Variants in PDE4D observed in about 807,000 individuals in gnomAD.
The protein encoded by PDE4D is phosphodiesterase 4D.
A neutral mutation model predicts 87.4 loss-of-function variants in PDE4D; 24 were observed. The observed-to-expected ratio is 0.27, with a 90% CI of 0.20 to 0.39. PDE4D has a LOEUF of 0.39. PDE4D is among the 10% of genes least tolerant of loss of function. PDE4D has a pLI of 1.00. For missense variants in PDE4D, 714 were observed against 1,041.0 expected, an observed-to-expected ratio of 0.69 and a Z score of 4.32; for synonymous variants, 384 against 383.2, an observed-to-expected ratio of 1.00 and a Z score of -0.02.
intron 1 of PDE4D, among the ~76,000 whole-genome samples, chr5:60,435,797 C>A (rs947774889): frequency 1.9e-4 from 29 of 151,994 alleles, no homozygotes; most frequent in African/African-American, 7.0e-4. Flanking sequence ...TGGGAAATAC[C>A]TCTTTCTATT....
intron 2 of PDE4D, among the ~76,000 whole-genome samples, chr5:59,209,391 G>A (rs1301589438): frequency 1.3e-5 from 2 of 152,048 alleles, no homozygotes; most frequent in African/African-American, 4.8e-5. Flanking sequence ...TCACCATGTT[G>A]CCCAAGTTGG....
At chr5:59,160,410 T>G (rs1487649884) in intron 5 of PDE4D, among the ~76,000 whole-genome samples, 6 of 152,160 alleles carry the variant, frequency 3.9e-5, no homozygotes. Flanking sequence ...CTTTATTACA[T>G]CTTATGCTTG....
chr5:60,318,705 G>C (rs1755890189), intron 1 of PDE4D, among the ~76,000 whole-genome samples: 1 of 152,006 alleles, frequency 6.6e-6, no homozygotes, highest in African/African-American at 2.4e-5. Context: ...CTCAGCATTT[G>C]CTTGTCTGTA....
intron 2 of PDE4D, among the ~76,000 whole-genome samples, chr5:60,094,948 G>A (rs891586651): frequency 1.3e-5 from 2 of 152,092 alleles, no homozygotes; most frequent in Non-Finnish European, 2.9e-5. Flanking sequence ...AAAGCAAAAT[G>A]TACAAATAGA....
chr5:59,866,188 TA>T (rs1747008022), intron 1 of PDE4D, among the ~76,000 whole-genome samples: 1 of 152,218 alleles, frequency 6.6e-6, no homozygotes, highest in Non-Finnish European at 1.5e-5. Context: ...AAACCATTCT[TA>T]AAATTTGCAG....
chr5:59,529,731 C>A (rs999718601), intron 1 of PDE4D, among the ~76,000 whole-genome samples: 2 of 151,932 alleles, frequency 1.3e-5, no homozygotes, highest in African/African-American at 4.8e-5. Context: ...ATTATATGAC[C>A]AAAAGGTTTG....
chr5:59,971,261 G>A (rs1227766945), intron 3 of PDE4D, among the ~76,000 whole-genome samples: 7 of 150,766 alleles, frequency 4.6e-5, no homozygotes, highest in Non-Finnish European at 1.0e-4. Context: ...AATGCTAGAT[G>A]ACGAGTTAGT....
intron 1 of PDE4D, among the ~76,000 whole-genome samples, chr5:59,247,241 CAT>C (rs1374158028): frequency 1.3e-5 from 2 of 152,102 alleles, no homozygotes; most frequent in African/African-American, 2.4e-5. Context: ...ATTAATGACA[CAT>C]GTTATGTAAT....
At chr5:59,871,904 C>A (rs1271920072) in intron 1 of PDE4D, among the ~76,000 whole-genome samples, 1 of 152,134 alleles carries the variant, frequency 6.6e-6, no homozygotes, top group Non-Finnish European at 1.5e-5. Flanking sequence ...CCAAATCGTA[C>A]TACTTCCTTT....
At chr5:59,677,863 T>C (rs946140962) in intron 1 of PDE4D, among the ~76,000 whole-genome samples, 1 of 152,184 alleles carries the variant, frequency 6.6e-6, no homozygotes, top group Non-Finnish European at 1.5e-5. Context: ...TAGTCTACAT[T>C]GTTCCCACTT....
intron 1 of PDE4D, among the ~76,000 whole-genome samples, chr5:60,386,459 T>A (rs919753249): frequency 6.6e-6 from 1 of 152,216 alleles, no homozygotes; most frequent in East Asian, 1.9e-4. Context: ...TGCCTTCACA[T>A]TGAACCCAAT....
chr5:60,214,656 A>G (rs942954339), intron 1 of PDE4D, among the ~76,000 whole-genome samples: 2 of 152,190 alleles, frequency 1.3e-5, no homozygotes, highest in African/African-American at 4.8e-5. Flanking sequence ...CTATCATGAC[A>G]TATTATGGAC....
intron 1 of PDE4D, among the ~76,000 whole-genome samples, chr5:59,405,789 T>C (rs1791502173): frequency 6.6e-6 from 1 of 152,250 alleles, no homozygotes; most frequent in Non-Finnish European, 1.5e-5. Context: ...TAAATTGAAA[T>C]GATCATATGT....
intron 1 of PDE4D, among the ~76,000 whole-genome samples, chr5:60,420,976 G>T (rs1345435349): frequency 1.3e-5 from 2 of 152,188 alleles, no homozygotes; most frequent in African/African-American, 2.4e-5. Flanking sequence ...GCAGCCTGGT[G>T]GGGGGAGGGG....
chr5:60,454,851 G>A (rs1417483167), intron 1 of PDE4D, among the ~76,000 whole-genome samples: 2 of 152,020 alleles, frequency 1.3e-5, no homozygotes, highest in Non-Finnish European at 2.9e-5. Context: ...TCCCCTGGTA[G>A]ATATAAACAC....
chr5:59,862,983 A>G (rs1019507637), intron 1 of PDE4D, among the ~76,000 whole-genome samples: 1 of 152,208 alleles, frequency 6.6e-6, no homozygotes, highest in African/African-American at 2.4e-5. Flanking sequence ...TTTTAATTAT[A>G]AAAGAAAAAG....
chr5:59,455,328 G>A (rs972932703), intron 1 of PDE4D, among the ~76,000 whole-genome samples: 1 of 152,216 alleles, frequency 6.6e-6, no homozygotes, highest in Non-Finnish European at 1.5e-5. Flanking sequence ...AGCCACTTCA[G>A]CTGTGACTAA....
chr5:59,450,165 G>C (rs1410993736), intron 1 of PDE4D, among the ~76,000 whole-genome samples: 1 of 152,174 alleles, frequency 6.6e-6, no homozygotes, highest in East Asian at 1.9e-4. Context: ...CAACTGATTA[G>C]CATTTTTAAG....
chr5:59,979,421 G>GGTGTGTGTGTGGTGTGT (rs1554127171), intron 3 of PDE4D, among the ~76,000 whole-genome samples: 1 of 147,630 alleles, frequency 6.8e-6, no homozygotes, highest in Non-Finnish European at 1.5e-5. Context: ...CACAGCAAGG[G>GGTGTGTGTGTGGTGTGT]GTGTGTGTGT....
Sources: gnomAD v4.1 joint callset for allele counts (sites outside exome capture counted in the v4.1 genomes callset) on GRCh38, gnomAD v4.1.1 for gene constraint, MANE v1.5 for transcripts, NCBI Gene and HGNC (gene_info 2026-07-23, HGNC 2026-07-21) for gene names.